Variants in CPLANE1 observed in about 807,000 individuals in gnomAD.
CPLANE1 encodes the protein ciliogenesis and planar polarity effector complex subunit 1.
A neutral mutation model predicts 362.5 loss-of-function variants in CPLANE1; 263 were observed. That is an observed-to-expected ratio of 0.73 (90% CI 0.66 to 0.80). The LOEUF (loss-of-function observed/expected upper bound fraction) is 0.80, where lower values mean the gene tolerates loss of function less well. CPLANE1 is among the 30% of genes least tolerant of loss of function. The pLI is 0.00. For missense variants in CPLANE1, 3,461 were observed against 3,793.4 expected, an observed-to-expected ratio of 0.91 and a Z score of 2.30; for synonymous variants, 1,212 against 1,302.6, an observed-to-expected ratio of 0.93 and a Z score of 1.50.
intron 26 of CPLANE1, among the ~76,000 whole-genome samples, chr5:37,182,485 A>T (rs1373129935): frequency 6.6e-6 from 1 of 152,212 alleles, no homozygotes; most frequent in East Asian, 1.9e-4. Flanking sequence ...TACGTGTAAT[A>T]CCACTTGTAA....
chr5:37,102,831 A>G (rs1757359747), downstream of CPLANE1, among the ~76,000 whole-genome samples: 2 of 152,072 alleles, frequency 1.3e-5, no homozygotes, highest in South Asian at 4.1e-4. Context: ...TATGTGATCA[A>G]TTTTAGAGTG....
At chr5:37,214,254 C>T (rs1323436226) in intron 15 of CPLANE1, among the ~76,000 whole-genome samples, 1 of 152,162 alleles carries the variant, frequency 6.6e-6, no homozygotes, top group Non-Finnish European at 1.5e-5. Flanking sequence ...CTCTTGAGCT[C>T]AGGAGTTTGA....
At position 37,163,317 on chromosome 5, in the gene CPLANE1, T is replaced by A. The variant is rs144592266; in HGVS notation, c.7589-751A>T. On this transcript the variant is annotated intron_variant, in intron 37 of 52. Transcript: ENST00000651892. ...ATAAGAGGGAAGACAGAATTCAGAATCATGTGTTTCTGGCTTAGGCTGATA... is the reference window on the plus strand; with the variant it reads ...ATAAGAGGGAAGACAGAATTCAGAAACATGTGTTTCTGGCTTAGGCTGATA... Among the ~76,000 whole-genome samples, 620 of 152,308 alleles carry A rather than the reference T, an allele frequency of 4.1e-3. 2 individuals carry two copies. Among genetic ancestry groups the A allele is most frequent in the Middle Eastern group, 0.01 (3 of 294 alleles).
At chr5:37,104,755 AC>A (rs201654622), downstream of CPLANE1, among the ~76,000 whole-genome samples, 10 of 148,680 alleles carry the variant, frequency 6.7e-5, no homozygotes, top group South Asian at 2.2e-4. Flanking sequence ...AAAAAAAAAA[AC>A]ACACACACAC....
At chr5:37,224,946 C>CTTT (rs199801993) in intron 12 of CPLANE1, among the ~76,000 whole-genome samples, 1 of 131,288 alleles carries the variant, frequency 7.6e-6, no homozygotes. Flanking sequence ...CACCTGTAAT[C>CTTT]TTTTTTTTTT....
Position 37,169,310 on chromosome 5 carries a change from G to C in CPLANE1, c.6714C>G (p.Pro2238=). Residue 2238 remains proline (P), a synonymous_variant, in exon 34 of 53, where the codon CCC becomes CCG. Coordinates refer to ENST00000651892, the MANE Select transcript of CPLANE1 (RefSeq NM_001384732.1). ...LQFKSKQEFQ[P]LFLHTGSIPQ... ...GAATACTTCCTGTATGTAAGAAAAG[G>C]GGCTGGAATTCTTGTTTAGACTTAA... 3 of 1,614,106 alleles carry C rather than the reference G, an allele frequency of 1.9e-6. No individual in the cohort carries two copies. Among genetic ancestry groups the C allele is most frequent in the Non-Finnish European group, 2.5e-6 (3 of 1,180,020 alleles).
chr5:37,187,949 T>G, intron 21 of CPLANE1, 107 bp from the exon 22 acceptor site: 1 of 632,718 alleles, frequency 1.6e-6, no homozygotes, highest in Non-Finnish European at 2.6e-6. Flanking sequence ...GGTCTTTATT[T>G]CATTCATTAT....
chr5:37,124,725 T>G lies in CPLANE1; in HGVS notation c.8958+519A>C, dbSNP rs78532569. 6.5e-3 allele frequency: 1,367 copies of G among 211,238 alleles called. 21 individuals are homozygous for G. Among genetic ancestry groups the G allele is most frequent in the African/African-American group, 0.03 (1,258 of 42,518 alleles). 13.1% of individuals were successfully genotyped at this position (211,238 alleles called of 1,614,324 possible). On this transcript the variant is annotated intron_variant, in intron 47 of 52. Transcript: ENST00000651892. ...GTGCTACCACACCTGGCTAATTTTT[T>G]TTTTTCTTTTGTAGAGATGAGATCT...
chr5:37,149,660 A>G (rs949629349), intron 42 of CPLANE1, among the ~76,000 whole-genome samples: 5 of 152,220 alleles, frequency 3.3e-5, no homozygotes, highest in African/African-American at 1.2e-4. Flanking sequence ...TGCAACGATT[A>G]TAACAATATA....
intron 9 of CPLANE1, 143 bp from the exon 10 acceptor site, chr5:37,227,960 T>C (rs140217136): frequency 2.8e-5 from 21 of 762,452 alleles, no homozygotes; most frequent in Admixed American, 9.2e-5. Context: ...AATGTGTTTA[T>C]ATCTTTCAGG....
intron 45 of CPLANE1, 91 bp downstream of exon 45, chr5:37,139,249 T>C (rs1393032673): frequency 8.8e-6 from 11 of 1,250,820 alleles, no homozygotes; most frequent in Non-Finnish European, 3.3e-6. Flanking sequence ...AAGATATATA[T>C]AATGTAAAAA....
At chr5:37,144,850 CAA>C (rs530265427) in intron 43 of CPLANE1, among the ~76,000 whole-genome samples, 16 of 64,170 alleles carry the variant, frequency 2.5e-4, no homozygotes, top group Non-Finnish European at 2.3e-4. Flanking sequence ...GACTCTGTCT[CAA>C]AAAAAAAAAA....
intron 43 of CPLANE1, 124 bp from the exon 44 acceptor site, chr5:37,142,604 T>G: frequency 1.7e-6 from 1 of 579,200 alleles, no homozygotes; most frequent in Non-Finnish European, 2.9e-6. Context: ...CATATTATGC[T>G]AATAGCTTTC....
chr5:37,236,568 A>C (rs934326194), intron 8 of CPLANE1, among the ~76,000 whole-genome samples: 2 of 152,128 alleles, frequency 1.3e-5, no homozygotes, highest in African/African-American at 4.8e-5. Context: ...AAAACAGACA[A>C]ATGAGAATTA....
chr5:37,078,903 G>GT, the CPLANE1 span, among the ~76,000 whole-genome samples: 33 of 151,852 alleles, frequency 2.2e-4, no homozygotes, highest in Non-Finnish European at 3.5e-4. Flanking sequence ...TTTTAATGGG[G>GT]TTTTTTCTTG....
intron 44 of CPLANE1, chr5:37,139,783 C>T: frequency 1.1e-6 from 1 of 881,748 alleles, no homozygotes; most frequent in South Asian, 5.2e-5. Context: ...CTCCTGAGCT[C>T]AAGTGATTCA....
At position 37,169,315 on chromosome 5, in the gene CPLANE1, G is replaced by T. The variant is rs1305188152; in HGVS notation, c.6709C>A (p.Gln2237Lys). 1 of 1,614,098 alleles carries T rather than the reference G, an allele frequency of 6.2e-7. No homozygotes were observed. Among genetic ancestry groups the T allele is most frequent in the South Asian group, 1.1e-5 (1 of 91,068 alleles). The change falls in exon 34 of 53, where the codon CAG (glutamine) becomes AAG (lysine). Residue 2237 changes from glutamine (Q) to lysine (K), a missense_variant. By Grantham distance (53) the Gln-to-Lys change is moderately conservative. This residue lies in a region of CPLANE1 where 3,380 missense variants were observed against 3,666.1 expected (regional missense o/e 0.92). Coordinates refer to ENST00000651892, the MANE Select transcript of CPLANE1 (RefSeq NM_001384732.1). The part of the protein sequence containing the change: ...LLQFKSKQEF[Q>K]PLFLHTGSIP... ...CTTCCTGTATGTAAGAAAAGGGGCT[G>T]GAATTCTTGTTTAGACTTAAATTGA...
chr5:37,167,917 C>A lies in CPLANE1; in HGVS notation c.7234-704G>T, dbSNP rs368928165. On this transcript the variant is annotated intron_variant, in intron 34 of 52. Transcript: ENST00000651892. ...AACAGACCAGCAATATGCTGAAAAT[C>A]CCTGAAGCCTTGGGAATTGGGTGAT... Among the ~76,000 whole-genome samples, 41 of 152,340 alleles carry A rather than the reference C, an allele frequency of 2.7e-4. 2 individuals are homozygous for A. The East Asian group carries it at 7.5e-3, about 28-fold the overall frequency.
In CPLANE1 at chr5:37,206,280, T is replaced by G. The variant is rs1790713755; in HGVS notation, c.3066A>C (p.Ala1022=). 6.4e-7 allele frequency: 1 copy of G among 1,551,648 alleles called. No individual in the cohort carries two copies. Among genetic ancestry groups the G allele is most frequent in the Non-Finnish European group, 8.7e-7 (1 of 1,147,022 alleles). The change falls in exon 17 of 53, where the codon GCA becomes GCC. Residue 1022 remains alanine, a synonymous_variant. Coordinates refer to ENST00000651892, the MANE Select transcript of CPLANE1 (RefSeq NM_001384732.1). ...ACGTCTTCCAGTCTCCAAGTTTATA[T>G]GCCAACCACACAGCCTCTGGAACCA... ...GGLVPEAVWL[A]YKLGDWKTSV...
Sources: allele counts gnomAD v4.1 joint callset (sites outside exome capture counted in the v4.1 genomes callset), GRCh38; gene constraint gnomAD v4.1.1; regional missense constraint gnomAD v4.1.1; transcripts MANE v1.5; gene names NCBI Gene and HGNC (gene_info 2026-07-23, HGNC 2026-07-21).